Variants in LPAR1 observed in about 807,000 individuals in gnomAD.
The protein encoded by LPAR1 is LPA receptor 1.
Under a neutral mutation model 23.8 loss-of-function variants are expected in LPAR1, and 5 were observed. The ratio of observed to expected loss-of-function variants is 0.21; its 90% CI spans 0.11 to 0.44. The LOEUF is 0.44. Ranked by LOEUF, LPAR1 falls within the 20% of genes least tolerant of loss-of-function variation. The pLI, the probability that LPAR1 is intolerant of heterozygous loss-of-function variation, is 0.99. For synonymous variants in LPAR1, 160 were observed against 164.7 expected (o/e 0.97, Z 0.22); for missense variants, 311 against 482.8 (o/e 0.64, Z 3.33).
chr9:111,031,550 G>T (rs942333235), intron 2 of LPAR1, among the ~76,000 whole-genome samples: 1 of 152,118 alleles, frequency 6.6e-6, no homozygotes, highest in East Asian at 1.9e-4. Flanking sequence ...GGTCAAAGCT[G>T]CCGTGAGCCA....
intron 5 of LPAR1, among the ~76,000 whole-genome samples, chr9:110,910,870 T>C (rs1376718643): frequency 6.6e-6 from 1 of 152,144 alleles, no homozygotes; most frequent in Non-Finnish European, 1.5e-5. Flanking sequence ...TACAATCTCA[T>C]GATAAAACTT....
chr9:110,891,374 A>G (rs1224951593), intron 5 of LPAR1, among the ~76,000 whole-genome samples: 1 of 152,194 alleles, frequency 6.6e-6, no homozygotes, highest in African/African-American at 2.4e-5. Context: ...GAAGGGGAAG[A>G]TTCAATACTT....
Position 110,875,675 on chromosome 9 carries a change from C to G in LPAR1, c.841G>C (p.Asp281His). ...WTPGLVLLLL[D>H]VCCPQCDVLA... ...ACGTCGCACTGTGGACAGCACACGTCTAGAAGTAACAAAACCAATCCAGGA... is the reference window on the plus strand; with the variant it reads ...ACGTCGCACTGTGGACAGCACACGTGTAGAAGTAACAAAACCAATCCAGGA... Residue 281 changes from aspartate (D) to histidine (H), a missense_variant, in exon 6 of 6, where the codon GAC becomes CAC. Asp to His is a moderately conservative substitution (Grantham distance 81). Transcript: ENST00000683809. 6.2e-7 allele frequency: 1 copy of G among 1,612,502 alleles called. No homozygotes were observed. Among genetic ancestry groups the G allele is most frequent in the Non-Finnish European group, 8.5e-7 (1 of 1,178,926 alleles).
At position 110,875,112 on chromosome 9, in the gene LPAR1, T is replaced by A. The variant is rs2078788287; in HGVS notation, c.*309A>T. On this transcript the variant is annotated 3_prime_UTR_variant, in exon 6 of 6. Coordinates refer to ENST00000683809, the MANE Select transcript of LPAR1 (RefSeq NM_001351411.2). ...CTGACTTGCACCAAACCACACAAAATCTTTTAAAAGTCTAGTTAGTGTAGT... is the reference window on the plus strand; with the variant it reads ...CTGACTTGCACCAAACCACACAAAAACTTTTAAAAGTCTAGTTAGTGTAGT... 4.6e-6 allele frequency: 1 copy of A among 216,770 alleles called. No individual in the cohort carries two copies. 13.4% of individuals were successfully genotyped at this position (216,770 alleles called of 1,614,324 possible).
At chr9:110,884,366 C>A (rs996163316) in intron 5 of LPAR1, among the ~76,000 whole-genome samples, 17 of 152,120 alleles carry the variant, frequency 1.1e-4, no homozygotes, top group African/African-American at 3.9e-4. Flanking sequence ...ATGCTCTCAG[C>A]ACTATAAAAC....
chr9:111,025,086 A>C (rs2097663574), intron 2 of LPAR1, among the ~76,000 whole-genome samples: 1 of 152,188 alleles, frequency 6.6e-6, no homozygotes, highest in African/African-American at 2.4e-5. Context: ...GGCTGGGTCA[A>C]ATGGTATTTC....
At chr9:110,966,398 G>C (rs1264007850) in intron 4 of LPAR1, among the ~76,000 whole-genome samples, 1 of 151,102 alleles carries the variant, frequency 6.6e-6, no homozygotes, top group East Asian at 2.0e-4. Context: ...AGAATCGCTT[G>C]AACTCAGGAG....
chr9:110,901,093 G>A (rs1186497991), intron 5 of LPAR1, among the ~76,000 whole-genome samples: 1 of 152,152 alleles, frequency 6.6e-6, no homozygotes, highest in Non-Finnish European at 1.5e-5. Context: ...AAGCCAGATG[G>A]CATTTACACT....
intron 5 of LPAR1, among the ~76,000 whole-genome samples, chr9:110,939,631 T>C (rs1021974561): frequency 2.6e-5 from 4 of 152,156 alleles, no homozygotes; most frequent in African/African-American, 4.8e-5. Context: ...CTCAAAATGA[T>C]TATTTCAACC....
At chr9:110,982,408 TA>T (rs1229991504) in intron 2 of LPAR1, among the ~76,000 whole-genome samples, 1 of 151,922 alleles carries the variant, frequency 6.6e-6, no homozygotes, top group African/African-American at 2.4e-5. Flanking sequence ...TTCTCACTCA[TA>T]AGTGGGAGTT....
chr9:110,949,716 C>T (rs2095508691), intron 4 of LPAR1, among the ~76,000 whole-genome samples: 1 of 152,052 alleles, frequency 6.6e-6, no homozygotes, highest in Non-Finnish European at 1.5e-5. Flanking sequence ...TAATTTAAGA[C>T]CATAAATGAG....
rs143756823 is a variant in LPAR1 at position 111,027,235 on chromosome 9, C to T, written c.-182+8887G>A. On this transcript the variant is annotated intron_variant, in intron 2 of 5. Transcript: ENST00000683809. ...CCACCCCAAATCAACAGGCCAGGTG[C>T]GGCGTTCATGCCTGCAATCCCAACA... 2.6e-3 allele frequency among the ~76,000 whole-genome samples: 397 copies of T among 152,144 alleles called. 4 individuals carry two copies. Among genetic ancestry groups the T allele is most frequent in the African/African-American group, 9.0e-3 (373 of 41,512 alleles).
In LPAR1 at chr9:110,941,024, C is replaced by T. The variant is rs1393833657; in HGVS notation, c.793+397G>A. On this transcript the variant is annotated intron_variant, in intron 5 of 5. Coordinates refer to ENST00000683809, the MANE Select transcript of LPAR1 (RefSeq NM_001351411.2). This position sits in a 1 kb window ranked among gnomAD's most constrained non-coding sequence, Gnocchi z 6.1. ...TAACAAAAATAACTATATATGGAAGCATATTCATATTCTACAAAAGCACTT... is the reference window on the plus strand; with the variant it reads ...TAACAAAAATAACTATATATGGAAGTATATTCATATTCTACAAAAGCACTT... Among the ~76,000 whole-genome samples the T allele has an allele frequency of 6.6e-6, 1 of 152,148 alleles. No homozygotes were observed. Among genetic ancestry groups the T allele is most frequent in the Non-Finnish European group, 1.5e-5 (1 of 68,024 alleles).
At chr9:110,915,754 T>G (rs925676550) in intron 5 of LPAR1, among the ~76,000 whole-genome samples, 15 of 152,192 alleles carry the variant, frequency 9.9e-5, no homozygotes, top group Non-Finnish European at 2.1e-4. Flanking sequence ...TAAATGGATA[T>G]GAATGGTTTA....
At chr9:110,949,456 A>C (rs1247580457) in intron 4 of LPAR1, among the ~76,000 whole-genome samples, 1 of 152,220 alleles carries the variant, frequency 6.6e-6, no homozygotes, top group Non-Finnish European at 1.5e-5. Context: ...TTAATATTTT[A>C]ACATGCACAC....
At position 110,931,117 on chromosome 9, in the gene LPAR1, T is replaced by C. The variant is rs1386350709; in HGVS notation, c.793+10304A>G. ...AAAAGTAATTGAATATTTCATTCAA[T>C]TCAGGGTATAAAGAATATCTAATAG... is the stretch of plus-strand genomic sequence containing the variant. On this transcript the variant is annotated intron_variant, in intron 5 of 5. Coordinates refer to ENST00000683809, the MANE Select transcript of LPAR1 (RefSeq NM_001351411.2). 3.3e-5 allele frequency among the ~76,000 whole-genome samples: 5 copies of C among 152,302 alleles called. No individual in the cohort carries two copies. In the East Asian group the frequency reaches 9.7e-4, roughly 29 times the overall value.
chr9:110,932,851 T>C (rs1195095140), intron 5 of LPAR1, among the ~76,000 whole-genome samples: 1 of 152,230 alleles, frequency 6.6e-6, no homozygotes, highest in Non-Finnish European at 1.5e-5. Flanking sequence ...GGAAAAATTG[T>C]CTTCCATGAA....
intron 5 of LPAR1, among the ~76,000 whole-genome samples, chr9:110,937,798 TA>T (rs2094824836): frequency 6.6e-6 from 1 of 152,172 alleles, no homozygotes; most frequent in African/African-American, 2.4e-5. Context: ...GAAGACTGAA[TA>T]GGTCTAAAAC....
chr9:110,901,096 T>C (rs1335936385), intron 5 of LPAR1, among the ~76,000 whole-genome samples: 1 of 152,190 alleles, frequency 6.6e-6, no homozygotes, highest in Non-Finnish European at 1.5e-5. Flanking sequence ...CCAGATGGCA[T>C]TTACACTTAC....
Sources: allele counts gnomAD v4.1 joint callset (sites outside exome capture counted in the v4.1 genomes callset), GRCh38; gene constraint gnomAD v4.1.1; non-coding constraint Gnocchi (gnomAD v3.1); transcripts MANE v1.5; gene names NCBI Gene and HGNC (gene_info 2026-07-23, HGNC 2026-07-21).